GRID2: variants seen among roughly 807,000 people sequenced by gnomAD.
GRID2 encodes glutamate receptor ionotropic, delta-2.
GRID2 carries 33 observed loss-of-function variants against 114.8 expected under a neutral mutation model. The observed-to-expected ratio is 0.29, with a 90% CI of 0.22 to 0.38. The LOEUF (loss-of-function observed/expected upper bound fraction) is 0.38, where lower values mean the gene tolerates loss of function less well. GRID2 is among the 10% of genes least tolerant of loss of function. GRID2 has a pLI of 1.00. For synonymous variants in GRID2, 505 were observed against 449.9 expected (o/e 1.12, Z -1.55); for missense variants, 1,184 against 1,257.7 (o/e 0.94, Z 0.89).
intron 8 of GRID2, among the ~76,000 whole-genome samples, chr4:93,277,639 T>TAAA (rs1752197971): frequency 5.9e-5 from 9 of 152,000 alleles, no homozygotes; most frequent in Non-Finnish European, 7.4e-5. Flanking sequence ...AATTACACAT[T>TAAA]GAACATATTA....
intron 3 of GRID2, among the ~76,000 whole-genome samples, chr4:93,091,821 G>A (rs1414888842): frequency 6.6e-6 from 1 of 152,066 alleles, no homozygotes; most frequent in Non-Finnish European, 1.5e-5. Flanking sequence ...AACTCCAGGA[G>A]ACTGAAACAT....
At chr4:92,388,804 T>C (rs13122662) in intron 1 of GRID2, among the ~76,000 whole-genome samples, 49,745 of 151,906 alleles carry the variant, frequency 0.33, 9,253 homozygotes, top group East Asian at 0.7. Flanking sequence ...GTTGAATCCC[T>C]GTTACAATTT....
intron 2 of GRID2, among the ~76,000 whole-genome samples, chr4:92,937,398 CTG>C (rs1263269762): frequency 1.4e-5 from 2 of 146,394 alleles, no homozygotes; most frequent in Non-Finnish European, 3.0e-5. Context: ...CTTCATTCTT[CTG>C]TGTGTGGATT....
At chr4:92,482,685 G>A (rs1240819454) in intron 1 of GRID2, among the ~76,000 whole-genome samples, 1 of 152,050 alleles carries the variant, frequency 6.6e-6, no homozygotes, top group East Asian at 1.9e-4. Context: ...ATATCACAGG[G>A]CAGATTGTTG....
intron 2 of GRID2, among the ~76,000 whole-genome samples, chr4:92,833,090 T>G (rs570536458): frequency 6.6e-6 from 1 of 152,216 alleles, no homozygotes; most frequent in African/African-American, 2.4e-5. Context: ...AGCATAGAGG[T>G]AATTCAACAC....
chr4:93,507,003 T>A (rs1357661024), intron 12 of GRID2, among the ~76,000 whole-genome samples: 1 of 152,178 alleles, frequency 6.6e-6, no homozygotes, highest in African/African-American at 2.4e-5. Flanking sequence ...TACAATCTAA[T>A]CTTCTCTGAG....
At chr4:92,448,829 G>A (rs1430427888) in intron 1 of GRID2, among the ~76,000 whole-genome samples, 2 of 151,944 alleles carry the variant, frequency 1.3e-5, no homozygotes, top group African/African-American at 2.4e-5. Flanking sequence ...ACAGGAACAT[G>A]TTTTAAAGGA....
At chr4:93,800,008 T>G (rs1477966118) in intron 1 of GRID2, among the ~76,000 whole-genome samples, 1 of 152,208 alleles carries the variant, frequency 6.6e-6, no homozygotes, top group Non-Finnish European at 1.5e-5. Context: ...TCTTAAATGT[T>G]GCATATTTTT....
At chr4:93,214,449 T>C (rs1342455196) in intron 5 of GRID2, among the ~76,000 whole-genome samples, 3 of 152,012 alleles carry the variant, frequency 2.0e-5, no homozygotes, top group Non-Finnish European at 4.4e-5. Flanking sequence ...GTTCCGTAAA[T>C]ATAAAATAGC....
At chr4:93,441,000 T>C (rs954245261) in intron 10 of GRID2, among the ~76,000 whole-genome samples, 2 of 152,080 alleles carry the variant, frequency 1.3e-5, no homozygotes, top group Non-Finnish European at 1.5e-5. Context: ...GGAGAACTTA[T>C]AGACAAGGAC....
chr4:92,663,436 T>G (rs1281779917), intron 2 of GRID2, among the ~76,000 whole-genome samples: 1 of 151,142 alleles, frequency 6.6e-6, no homozygotes, highest in African/African-American at 2.4e-5. Flanking sequence ...TGAACATCTT[T>G]TGGTTTTTAG....
At chr4:93,620,087 A>G (rs1742072968) in intron 13 of GRID2, among the ~76,000 whole-genome samples, 1 of 152,210 alleles carries the variant, frequency 6.6e-6, no homozygotes, top group Non-Finnish European at 1.5e-5. Flanking sequence ...TGAATTAGAT[A>G]TCCTATCAGC....
chr4:93,083,090 C>T (rs1006560862), intron 2 of GRID2, among the ~76,000 whole-genome samples: 3 of 151,924 alleles, frequency 2.0e-5, no homozygotes, highest in African/African-American at 7.3e-5. Context: ...ACTTAATTTC[C>T]TGTAATTAGT....
chr4:93,429,684 G>GA (rs1381126332), intron 10 of GRID2, among the ~76,000 whole-genome samples: 3 of 151,776 alleles, frequency 2.0e-5, no homozygotes, highest in Non-Finnish European at 2.9e-5. Context: ...CAGGAAAATG[G>GA]AAAAAAAGGA....
chr4:92,489,572 A>AC (rs1723053104), intron 1 of GRID2, among the ~76,000 whole-genome samples: 1 of 152,160 alleles, frequency 6.6e-6, no homozygotes, highest in African/African-American at 2.4e-5. Flanking sequence ...AGGGCCGGGC[A>AC]CGGTGGCTCA....
Position 92,793,496 on chromosome 4 carries a change from A to G in GRID2, c.244+203210A>G, listed in dbSNP as rs1243471676. 2.0e-5 allele frequency among the ~76,000 whole-genome samples: 3 copies of G among 151,690 alleles called. No individual in the cohort carries two copies. In the Admixed American group the frequency reaches 2.0e-4, roughly 10 times the overall value. ...AATTTGTACCACAAACCCCCATGAC[A>G]CAAGTTTACCTATGTAACAAATCTG... is the stretch of plus-strand genomic sequence containing the variant. On this transcript the variant is annotated intron_variant, in intron 2 of 15. Coordinates refer to ENST00000282020, the MANE Select transcript of GRID2 (RefSeq NM_001510.4).
At position 93,385,347 on chromosome 4, in the gene GRID2, T is replaced by C. The variant is rs140602031; in HGVS notation, c.1246-10260T>C. On this transcript the variant is annotated intron_variant, in intron 8 of 15. Transcript: ENST00000282020. ...ACTCTTGGTGTGAACCCAATCATAT[T>C]AAACAATTGTAGAATCACCAAGCTA... 3.5e-3 allele frequency among the ~76,000 whole-genome samples: 530 copies of C among 152,328 alleles called. 5 individuals are homozygous for C. The South Asian group carries it at 0.053, about 15-fold the overall frequency.
intron 1 of GRID2, among the ~76,000 whole-genome samples, chr4:92,344,694 T>C (rs982348943): frequency 2.0e-5 from 3 of 152,158 alleles, no homozygotes; most frequent in African/African-American, 4.8e-5. Flanking sequence ...GGGGCTAGAA[T>C]ACCTACCTGT....
At chr4:92,505,278 C>T (rs1723901667) in intron 1 of GRID2, among the ~76,000 whole-genome samples, 1 of 151,898 alleles carries the variant, frequency 6.6e-6, no homozygotes, top group Admixed American at 6.6e-5. Context: ...GAATGCTGTC[C>T]ATAACTTTTT....
Sources: gnomAD v4.1 joint callset for allele counts (sites outside exome capture counted in the v4.1 genomes callset) on GRCh38, gnomAD v4.1.1 for gene constraint, MANE v1.5 for transcripts, NCBI Gene and HGNC (gene_info 2026-07-23, HGNC 2026-07-21) for gene names.